MYO5B: variants seen among roughly 807,000 people sequenced by gnomAD.
MYO5B encodes unconventional myosin-Vb.
MYO5B carries 143 observed loss-of-function variants against 229.3 expected under a neutral mutation model. The observed-to-expected ratio is 0.62, with a 90% CI of 0.54 to 0.72. MYO5B has a LOEUF of 0.72. MYO5B is among the 30% of genes least tolerant of loss of function. MYO5B has a pLI of 0.00. For synonymous variants in MYO5B, 918 were observed against 885.2 expected, an observed-to-expected ratio of 1.04 and a Z score of -0.66; for missense variants, 2,321 against 2,331.0, an observed-to-expected ratio of 1.00 and a Z score of 0.09.
chr18:49,864,072 T>TA, intron 28 of MYO5B, 69 bp downstream of exon 28: 4 of 1,587,000 alleles, frequency 2.5e-6, no homozygotes, highest in Non-Finnish European at 3.4e-6. Context: ...TAAAGATAAT[T>TA]AAAAAAACAC....
At chr18:49,936,649 T>G (rs969364383) in intron 15 of MYO5B, among the ~76,000 whole-genome samples, 1 of 152,114 alleles carries the variant, frequency 6.6e-6, no homozygotes, top group South Asian at 2.1e-4. Flanking sequence ...GCAAATACTG[T>G]AGGAGAGATT....
At chr18:49,846,630 C>T (rs1461792707) in intron 33 of MYO5B, among the ~76,000 whole-genome samples, 1 of 152,170 alleles carries the variant, frequency 6.6e-6, no homozygotes, top group African/African-American at 2.4e-5. Context: ...AATCCTTGAT[C>T]CACTGCTTCC....
chr18:49,831,007 T>C (rs941124698), intron 39 of MYO5B, among the ~76,000 whole-genome samples: 11 of 150,876 alleles, frequency 7.3e-5, no homozygotes, highest in African/African-American at 2.7e-4. Flanking sequence ...TTTTGGTCAA[T>C]TGATTTTTGA....
At chr18:50,173,098 A>G (rs1213767539) in intron 1 of MYO5B, among the ~76,000 whole-genome samples, 1 of 152,130 alleles carries the variant, frequency 6.6e-6, no homozygotes, top group Non-Finnish European at 1.5e-5. Flanking sequence ...CCCCGTCGCT[A>G]CTAAAAACAC....
At chr18:50,115,400 T>G (rs774015647) in intron 1 of MYO5B, among the ~76,000 whole-genome samples, 2 of 152,220 alleles carry the variant, frequency 1.3e-5, no homozygotes, top group Admixed American at 1.3e-4. Context: ...TCAACAGTTA[T>G]GCAACCCTCT....
At chr18:50,186,994 C>T (rs1457394979) in intron 1 of MYO5B, among the ~76,000 whole-genome samples, 1 of 152,152 alleles carries the variant, frequency 6.6e-6, no homozygotes, top group Non-Finnish European at 1.5e-5. Context: ...TTTGCAAGAA[C>T]CCCAGATCCT....
intron 14 of MYO5B, among the ~76,000 whole-genome samples, chr18:49,950,934 C>G (rs2025424594): frequency 6.6e-6 from 1 of 152,188 alleles, no homozygotes; most frequent in Non-Finnish European, 1.5e-5. Context: ...GAACAGTTCA[C>G]TGTGCCTAAA....
At chr18:49,920,009 T>C (rs1002052260) in intron 17 of MYO5B, among the ~76,000 whole-genome samples, 1 of 152,240 alleles carries the variant, frequency 6.6e-6, no homozygotes, top group Non-Finnish European at 1.5e-5. Flanking sequence ...TGACGGTTGC[T>C]GCGCATGGAT....
chr18:49,871,126 A>C (rs1181033661), intron 27 of MYO5B, among the ~76,000 whole-genome samples: 1 of 152,250 alleles, frequency 6.6e-6, no homozygotes, highest in Non-Finnish European at 1.5e-5. Flanking sequence ...GACACATACT[A>C]CAATAGAGAT....
At chr18:50,068,276 A>C (rs967231304) in intron 1 of MYO5B, among the ~76,000 whole-genome samples, 1 of 152,232 alleles carries the variant, frequency 6.6e-6, no homozygotes, top group Non-Finnish European at 1.5e-5. Context: ...CTAGTTCTTA[A>C]AATAGAAACC....
intron 9 of MYO5B, among the ~76,000 whole-genome samples, chr18:49,978,814 G>T (rs1452316822): frequency 2.0e-5 from 3 of 152,052 alleles, no homozygotes; most frequent in African/African-American, 4.8e-5. Flanking sequence ...AGGGCCTGGG[G>T]AGGAGCAGGG....
At chr18:50,016,067 A>T (rs561423993) in intron 4 of MYO5B, among the ~76,000 whole-genome samples, 3 of 152,252 alleles carry the variant, frequency 2.0e-5, no homozygotes, top group Non-Finnish European at 4.4e-5. Flanking sequence ...GAAGTGACAC[A>T]GGGAAAGGGC....
At chr18:50,097,320 C>T (rs1304801048) in intron 1 of MYO5B, 2 of 455,724 alleles carry the variant, frequency 4.4e-6, no homozygotes, top group Non-Finnish European at 8.8e-6. Context: ...ACTGCAGGCA[C>T]AGTGAAGGCA....
At chr18:49,864,461 CTTT>C in intron 27 of MYO5B, 81 bp from the exon 28 acceptor site, 1 of 1,564,732 alleles carries the variant, frequency 6.4e-7, no homozygotes, top group Non-Finnish European at 8.7e-7. Flanking sequence ...TCCTCCCCTT[CTTT>C]TGTCCACTGG....
Position 49,879,102 on chromosome 18 carries a change from C to T in MYO5B, c.3131-12G>A. Reference sequence around the variant, plus strand: ...CTGGGCAAATTCATCTGGAAAGCAACACGCTAAGCTGCAGTTTTTCTGGAT... The same window carrying T: ...CTGGGCAAATTCATCTGGAAAGCAATACGCTAAGCTGCAGTTTTTCTGGAT... On this transcript the variant is annotated splice_polypyrimidine_tract_variant and intron_variant, in intron 23 of 39. Transcript: ENST00000285039. The T allele has an allele frequency of 2.5e-6, 4 of 1,614,178 alleles. No individual in the cohort carries two copies. The highest frequency in any genetic ancestry group is 1.1e-5 in the South Asian group (1 of 91,078).
In MYO5B at chr18:50,194,828, T is replaced by G; in HGVS notation, c.-35A>C. On this transcript the variant is annotated 5_prime_UTR_variant, in exon 1 of 40. Coordinates refer to ENST00000285039, the MANE Select transcript of MYO5B (RefSeq NM_001080467.3). The stretch of plus-strand genomic sequence containing the variant: ...CGGGCGGGGCTCGGGCCCCGGCTCC[T>G]GGCTGCCCCGCGGCTCTCAGTCCGC... 1.5e-6 allele frequency: 2 copies of G among 1,300,394 alleles called. No homozygotes were observed. Among genetic ancestry groups the G allele is most frequent in the Non-Finnish European group, 9.7e-7 (1 of 1,029,640 alleles). 80.6% of individuals were successfully genotyped at this position (1,300,394 alleles called of 1,614,324 possible).
intron 10 of MYO5B, among the ~76,000 whole-genome samples, chr18:49,965,759 G>C (rs2025617833): frequency 6.6e-6 from 1 of 152,176 alleles, no homozygotes; most frequent in South Asian, 2.1e-4. Context: ...TCTTAATTCA[G>C]AGAGGAGGAG....
Position 49,978,539 on chromosome 18 carries a change from C to T in MYO5B, c.1056+1905G>A, listed in dbSNP as rs1431926242. On this transcript the variant is annotated intron_variant, in intron 9 of 39. Transcript: ENST00000285039. ...ACTCTCCTGTGTGCCACCCCTGAGGCCTGGAGAGCCTCAGTCATCCACCCA... is the reference window on the plus strand; with the variant it reads ...ACTCTCCTGTGTGCCACCCCTGAGGTCTGGAGAGCCTCAGTCATCCACCCA... Among the ~76,000 whole-genome samples the T allele has an allele frequency of 2.0e-5, 3 of 152,190 alleles. No homozygotes were observed. The East Asian group carries it at 5.8e-4, about 29-fold the overall frequency.
At chr18:50,155,276 T>C (rs1051735125) in intron 1 of MYO5B, among the ~76,000 whole-genome samples, 6 of 152,140 alleles carry the variant, frequency 3.9e-5, no homozygotes, top group Non-Finnish European at 8.8e-5. Flanking sequence ...TTAACTAATA[T>C]ATAGCTCATT....
Sources: gnomAD v4.1 joint callset for allele counts (sites outside exome capture counted in the v4.1 genomes callset) on GRCh38, gnomAD v4.1.1 for gene constraint, MANE v1.5 for transcripts, NCBI Gene and HGNC (gene_info 2026-07-23, HGNC 2026-07-21) for gene names.